Variants in PLA2R1 observed in about 807,000 individuals in gnomAD.
PLA2R1 encodes phospholipase A2 receptor 1.
In PLA2R1, 158 loss-of-function variants were observed where a neutral mutation model predicts 195.9. The ratio of observed to expected loss-of-function variants is 0.81; its 90% confidence interval spans 0.71 to 0.92. PLA2R1 has a LOEUF of 0.92. PLA2R1 is among the 40% of genes least tolerant of loss of function. The pLI is 0.00. For missense variants in PLA2R1, 1,626 were observed against 1,764.6 expected (o/e 0.92, Z 1.41); for synonymous variants, 586 against 598.2 (o/e 0.98, Z 0.30).
intron 3 of PLA2R1, among the ~76,000 whole-genome samples, chr2:160,034,302 C>CTAT (rs1192796680): frequency 1.3e-5 from 2 of 152,004 alleles, no homozygotes; most frequent in African/African-American, 4.8e-5. Flanking sequence ...CTAAGGTTGT[C>CTAT]TATAGAGTTT....
rs752311667 is a variant in PLA2R1 at position 160,033,143 on chromosome 2, T to C, written c.668-11A>G. On this transcript the variant is annotated splice_polypyrimidine_tract_variant and intron_variant, in intron 3 of 29. Coordinates refer to ENST00000283243, the MANE Select transcript of PLA2R1 (RefSeq NM_007366.5). ...CTACTTCTGCAGAGGCTGGAAACAA[T>C]GGCCATTAAAAACAACCAGGTCTTA... The C allele has an allele frequency of 5.0e-6, 8 of 1,599,526 alleles. No homozygotes were observed. In the African/African-American group the frequency reaches 5.4e-5, roughly 11 times the overall value.
At chr2:159,979,316 G>A (rs1320509545) in intron 14 of PLA2R1, among the ~76,000 whole-genome samples, 1 of 152,160 alleles carries the variant, frequency 6.6e-6, no homozygotes, top group African/African-American at 2.4e-5. Context: ...GTATGGGAAT[G>A]AATGAAAACC....
In PLA2R1 at chr2:159,936,648, G is replaced by T. The variant is rs1270689465; in HGVS notation, c.*5130C>A. ...CTGGATTTCCTTTCAGTTAGGTTAG[G>T]TCATGTGACTAGTTCCAGCCAATGA... On this transcript the variant is annotated 3_prime_UTR_variant, in exon 30 of 30. Transcript: ENST00000283243. 1 of 152,222 alleles carries T rather than the reference G, an allele frequency of 6.6e-6. No individual in the cohort carries two copies. The highest frequency in any genetic ancestry group is 2.4e-5 in the African/African-American group (1 of 41,524). 9.4% of individuals were successfully genotyped at this position (152,222 alleles called of 1,614,324 possible).
chr2:160,037,179 G>A (rs989348611), intron 3 of PLA2R1, among the ~76,000 whole-genome samples: 1 of 152,096 alleles, frequency 6.6e-6, no homozygotes, highest in Non-Finnish European at 1.5e-5. Context: ...CCTTCTACCT[G>A]GTCTCCAGGA....
At chr2:159,956,924 C>T (rs968722964) in intron 20 of PLA2R1, among the ~76,000 whole-genome samples, 1 of 151,528 alleles carries the variant, frequency 6.6e-6, no homozygotes, top group Non-Finnish European at 1.5e-5. Context: ...AGTATTCTTC[C>T]TAAAAAGGAG....
At chr2:159,983,070 G>A (rs1690071366) in intron 13 of PLA2R1, among the ~76,000 whole-genome samples, 1 of 152,162 alleles carries the variant, frequency 6.6e-6, no homozygotes, top group African/African-American at 2.4e-5. Context: ...TCACAGGAAG[G>A]AGACAAGATG....
rs1230921169 is a variant in PLA2R1 at position 160,062,440 on chromosome 2, G to A, written c.-37C>T. The A allele has an allele frequency of 2.6e-6, 4 of 1,514,552 alleles. No homozygotes were observed. In the African/African-American group the frequency reaches 4.4e-5, roughly 16 times the overall value. The allele number at this position is 1,514,552 out of a possible 1,614,324, so 93.8% of individuals were successfully genotyped here. A position where few individuals can be genotyped will look rare whatever the true frequency, so the allele number is the denominator to read the frequency against. ...GGGCTCTCCGGGAGCCCCTTGTCCC[G>A]GGAGCCCCTTATCCCGGGAGCCCAG... is the stretch of plus-strand genomic sequence containing the variant. On this transcript the variant is annotated 5_prime_UTR_variant, in exon 1 of 30. Transcript: ENST00000283243.
chr2:159,950,961 A>G (rs1396776096), intron 24 of PLA2R1, among the ~76,000 whole-genome samples: 4 of 152,348 alleles, frequency 2.6e-5, no homozygotes, highest in Non-Finnish European at 5.9e-5. Context: ...CTAGACAAGA[A>G]GCATGATTCG....
At chr2:160,000,175 A>G (rs1192935138) in intron 11 of PLA2R1, among the ~76,000 whole-genome samples, 2 of 152,182 alleles carry the variant, frequency 1.3e-5, no homozygotes, top group African/African-American at 2.4e-5. Flanking sequence ...TGAAAAGTCT[A>G]ACAGAAGAAA....
At chr2:160,033,881 TCAGA>T (rs1558974819) in intron 3 of PLA2R1, among the ~76,000 whole-genome samples, 1 of 152,032 alleles carries the variant, frequency 6.6e-6, no homozygotes, top group Non-Finnish European at 1.5e-5. Context: ...GAAACCAAAC[TCAGA>T]CAGAGAATGT....
intron 25 of PLA2R1, among the ~76,000 whole-genome samples, chr2:159,948,642 C>CAAAAAAAAA: frequency 1.0e-5 from 1 of 95,828 alleles, no homozygotes; most frequent in Non-Finnish European, 2.0e-5. Flanking sequence ...CAAGTGCTAA[C>CAAAAAAAAA]AAAAAAAAAA....
chr2:159,995,591 T>G (rs914426487), intron 11 of PLA2R1, among the ~76,000 whole-genome samples: 1 of 152,068 alleles, frequency 6.6e-6, no homozygotes, highest in African/African-American at 2.4e-5. Context: ...ATTCATAGAT[T>G]TGTAGAACAA....
At chr2:159,949,486 C>T (rs1443680895) in intron 25 of PLA2R1, 122 bp downstream of exon 25, 3 of 637,434 alleles carry the variant, frequency 4.7e-6, no homozygotes, top group Non-Finnish European at 8.0e-6. Context: ...ACCAACCAGA[C>T]CAGAGGCTTC....
chr2:160,028,794 G>T, intron 5 of PLA2R1, 56 bp downstream of exon 5: 2 of 987,144 alleles, frequency 2.0e-6, no homozygotes, highest in Non-Finnish European at 3.3e-6. Context: ...AAATGCTGCT[G>T]TGTAAGGGTG....
chr2:160,011,227 T>G (rs947307932), intron 10 of PLA2R1, among the ~76,000 whole-genome samples: 2 of 152,258 alleles, frequency 1.3e-5, no homozygotes, highest in African/African-American at 2.4e-5. Flanking sequence ...GCATTTGTTC[T>G]AACAGATTTC....
intron 6 of PLA2R1, among the ~76,000 whole-genome samples, chr2:160,024,722 G>C (rs773850215): frequency 2.0e-5 from 3 of 152,194 alleles, no homozygotes; most frequent in Non-Finnish European, 2.9e-5. Context: ...AAGGGAAACA[G>C]CATTGGCAAG....
In PLA2R1 at chr2:160,052,630, G is replaced by T. The variant is rs927548804; in HGVS notation, c.110-7473C>A. 2.0e-5 allele frequency among the ~76,000 whole-genome samples: 3 copies of T among 152,172 alleles called. No homozygotes were observed. In the East Asian group the frequency reaches 5.8e-4, roughly 29 times the overall value. Reference sequence around the variant, plus strand: ...GAAAATATACCATCTCAGTCAAAAGGGTGCCTCATTACAAAGTGCAAGTTA... The same window carrying T: ...GAAAATATACCATCTCAGTCAAAAGTGTGCCTCATTACAAAGTGCAAGTTA... On this transcript the variant is annotated intron_variant, in intron 1 of 29. Transcript: ENST00000283243.
intron 24 of PLA2R1, 53 bp downstream of exon 24, chr2:159,951,287 T>G (rs1448091992): frequency 1.1e-6 from 1 of 934,074 alleles, no homozygotes; most frequent in Non-Finnish European, 1.7e-6. Flanking sequence ...ATGAAGGAGG[T>G]AGATGCTAAA....
chr2:159,989,635 C>G (rs1690620681), intron 11 of PLA2R1, among the ~76,000 whole-genome samples: 1 of 152,146 alleles, frequency 6.6e-6, no homozygotes, highest in Non-Finnish European at 1.5e-5. Flanking sequence ...AATTCCTTTT[C>G]TTCTCATGGG....
Sources: allele counts gnomAD v4.1 joint callset (sites outside exome capture counted in the v4.1 genomes callset), GRCh38; gene constraint gnomAD v4.1.1; transcripts MANE v1.5; gene names NCBI Gene and HGNC (gene_info 2026-07-23, HGNC 2026-07-21).